Variants in CHD6 observed in about 807,000 individuals in gnomAD.
CHD6 encodes the protein chromodomain helicase DNA binding protein 6, also known as ATP-dependent chromatin remodeler CHD6.
CHD6 carries 50 observed loss-of-function variants against 276.9 expected under a neutral mutation model. The ratio of observed to expected loss-of-function variants is 0.18; its 90% CI spans 0.14 to 0.23. CHD6 has a LOEUF of 0.23. Ranked by LOEUF, CHD6 falls within the 10% of genes least tolerant of loss-of-function variation. The probability of loss-of-function intolerance (pLI) is 1.00; values close to 1 mark genes in which losing one functional copy is unlikely to be tolerated. For synonymous variants in CHD6, 1,173 were observed against 1,229.3 expected (o/e 0.95, Z 0.96); for missense variants, 2,564 against 3,365.8 (o/e 0.76, Z 5.89).
rs145641493 is a variant in CHD6 at position 41,562,149 on chromosome 20, T to G, written c.-23-10789A>C. ...TCTTCATGTTCTACTTTCTGAGAAG[T>G]TTCCTCAACTTTCTCTTTCAAGCCT... On this transcript the variant is annotated intron_variant, in intron 1 of 36. Coordinates refer to ENST00000373233, the MANE Select transcript of CHD6 (RefSeq NM_032221.5). 5.6e-4 allele frequency among the ~76,000 whole-genome samples: 85 copies of G among 152,274 alleles called. No individual in the cohort carries two copies. In the East Asian group the frequency reaches 0.013, roughly 23 times the overall value.
chr20:41,482,572 C>A, intron 16 of CHD6: 1 of 508,518 alleles, frequency 2.0e-6, no homozygotes, highest in Non-Finnish European at 3.9e-6. Flanking sequence ...CCTAGGCTAC[C>A]AGTTTCTATG....
At chr20:41,411,928 G>A (rs2046851026) in intron 36 of CHD6, among the ~76,000 whole-genome samples, 1 of 152,246 alleles carries the variant, frequency 6.6e-6, no homozygotes, top group Non-Finnish European at 1.5e-5. Context: ...GGAGGTAAGG[G>A]TTGAAAACAA....
intron 26 of CHD6, among the ~76,000 whole-genome samples, chr20:41,438,145 G>A (rs922506935): frequency 1.3e-5 from 2 of 152,184 alleles, no homozygotes; most frequent in Non-Finnish European, 2.9e-5. Flanking sequence ...TCACTCCTTG[G>A]CTTGGAAGGG....
intron 16 of CHD6, among the ~76,000 whole-genome samples, chr20:41,480,534 C>CA (rs776274039): frequency 6.6e-6 from 1 of 152,154 alleles, no homozygotes; most frequent in South Asian, 2.1e-4. Context: ...TAACCTAACT[C>CA]AAAGTATTAT....
chr20:41,463,520 T>C (rs1430902057), intron 17 of CHD6, among the ~76,000 whole-genome samples: 2 of 152,208 alleles, frequency 1.3e-5, no homozygotes, highest in Non-Finnish European at 2.9e-5. Flanking sequence ...TTATTCCTGA[T>C]GTGATATATT....
At chr20:41,492,389 T>C (rs2043576947) in intron 10 of CHD6, among the ~76,000 whole-genome samples, 1 of 152,208 alleles carries the variant, frequency 6.6e-6, no homozygotes, top group Non-Finnish European at 1.5e-5. Flanking sequence ...CTACCTTTCA[T>C]ATGCCAAAGA....
intron 1 of CHD6, among the ~76,000 whole-genome samples, chr20:41,584,093 T>C (rs965333282): frequency 6.6e-6 from 1 of 152,140 alleles, no homozygotes; most frequent in Non-Finnish European, 1.5e-5. Context: ...TACCCAGTTA[T>C]ATGTTTCTAT....
chr20:41,451,558 G>T (rs554600102), intron 22 of CHD6, among the ~76,000 whole-genome samples: 1 of 152,290 alleles, frequency 6.6e-6, no homozygotes, highest in South Asian at 2.1e-4. Context: ...TAATTCAGAG[G>T]GGGAGTCTGT....
At chr20:41,571,984 T>G (rs1488611297) in intron 1 of CHD6, among the ~76,000 whole-genome samples, 1 of 152,242 alleles carries the variant, frequency 6.6e-6, no homozygotes, top group Admixed American at 6.5e-5. Flanking sequence ...TGTAGATTAG[T>G]TTTACCTGTC....
At chr20:41,556,295 A>G (rs1410680556) in intron 1 of CHD6, among the ~76,000 whole-genome samples, 1 of 133,000 alleles carries the variant, frequency 7.5e-6, no homozygotes, top group African/African-American at 3.1e-5. Context: ...GGAGAGGGAG[A>G]CCGTGGGGAG....
chr20:41,426,792 C>T (rs11700362), intron 27 of CHD6, among the ~76,000 whole-genome samples: 15,344 of 152,226 alleles, frequency 0.1, 1,037 homozygotes, highest in Non-Finnish European at 0.16. Flanking sequence ...TGAATTCCTT[C>T]GCAAATCCTT....
At chr20:41,472,447 T>C (rs1441791150) in intron 17 of CHD6, among the ~76,000 whole-genome samples, 1 of 152,148 alleles carries the variant, frequency 6.6e-6, no homozygotes, top group Non-Finnish European at 1.5e-5. Flanking sequence ...GAAAAAGGTT[T>C]TGAGCCACCC....
At position 41,540,191 on chromosome 20, in the gene CHD6, G is replaced by A. The variant is rs370093201; in HGVS notation, c.34-6621C>T. Among the ~76,000 whole-genome samples the A allele has an allele frequency of 4.2e-4, 64 of 152,266 alleles. No homozygotes were observed. The East Asian group carries it at 9.5e-3, about 22-fold the overall frequency. On this transcript the variant is annotated intron_variant, in intron 2 of 36. Transcript: ENST00000373233. ...CTGGCTTATGGTATAATTCAATCCT[G>A]TGGTTACTGAATGAAAGAAACAGTT...
At chr20:41,502,609 G>A (rs549411349) in intron 5 of CHD6, among the ~76,000 whole-genome samples, 11 of 152,318 alleles carry the variant, frequency 7.2e-5, no homozygotes, top group Non-Finnish European at 1.5e-4. Flanking sequence ...CTCAGGTTAT[G>A]TTAGATAGGT....
chr20:41,439,708 G>C (rs1172842159), intron 26 of CHD6, among the ~76,000 whole-genome samples: 1 of 152,238 alleles, frequency 6.6e-6, no homozygotes, highest in African/African-American at 2.4e-5. Flanking sequence ...ACCAGACAAG[G>C]GATGGACATG....
At chr20:41,522,916 C>G (rs1255056513) in intron 3 of CHD6, among the ~76,000 whole-genome samples, 2 of 152,052 alleles carry the variant, frequency 1.3e-5, no homozygotes, top group African/African-American at 2.4e-5. Flanking sequence ...ACACATGACC[C>G]AGCCAGACTA....
intron 3 of CHD6, among the ~76,000 whole-genome samples, chr20:41,516,601 C>T (rs2145982185): frequency 6.6e-6 from 1 of 152,248 alleles, no homozygotes; most frequent in African/African-American, 2.4e-5. Flanking sequence ...GGAGTCTGTG[C>T]TCTTGATCAT....
At chr20:41,484,743 C>A (rs574134161) in intron 14 of CHD6, 136 bp from the exon 15 acceptor site, 9 of 889,512 alleles carry the variant, frequency 1.0e-5, no homozygotes, top group African/African-American at 1.7e-5. Context: ...AGATTATGAT[C>A]GACCCCTGAA....
intron 23 of CHD6, among the ~76,000 whole-genome samples, chr20:41,450,699 C>G (rs796215614): frequency 4.3e-4 from 66 of 152,238 alleles, no homozygotes; most frequent in African/African-American, 1.6e-3. Flanking sequence ...GAAAAATCCT[C>G]AGGGGTATAT....
Sources: allele counts gnomAD v4.1 joint callset (sites outside exome capture counted in the v4.1 genomes callset), GRCh38; gene constraint gnomAD v4.1.1; transcripts MANE v1.5; gene names NCBI Gene and HGNC (gene_info 2026-07-23, HGNC 2026-07-21).